The following SEMA5A variants were observed in gnomAD, a reference collection of about 807,000 sequenced individuals.
SEMA5A encodes the protein semaphorin-5A.
SEMA5A carries 55 observed loss-of-function variants against 135.5 expected under a neutral mutation model. That is an observed-to-expected ratio of 0.41 (90% confidence interval 0.33 to 0.51). The LOEUF (loss-of-function observed/expected upper bound fraction) is 0.51, where lower values mean the gene tolerates loss of function less well. SEMA5A is among the 20% of genes least tolerant of loss of function. SEMA5A has a pLI of 0.37. For synonymous variants in SEMA5A, 580 were observed against 546.5 expected (o/e 1.06, Z -0.85); for missense variants, 1,290 against 1,419.9 (o/e 0.91, Z 1.47).
chr5:9,264,243 G>A (rs1429805773), intron 5 of SEMA5A, among the ~76,000 whole-genome samples: 1 of 151,874 alleles, frequency 6.6e-6, no homozygotes, highest in African/African-American at 2.4e-5. Context: ...TATAAGCCAA[G>A]AAGAACCAAA....
intron 1 of SEMA5A, among the ~76,000 whole-genome samples, chr5:9,497,188 A>G (rs268493): frequency 0.97 from 147,811 of 152,304 alleles, 71,960 homozygotes; most frequent in Non-Finnish European, 1. Context: ...CTAAGGAGAT[A>G]ATCAGCTGAT....
chr5:9,150,528 A>T (rs534959330), intron 12 of SEMA5A, among the ~76,000 whole-genome samples: 1 of 152,296 alleles, frequency 6.6e-6, no homozygotes, highest in South Asian at 2.1e-4. Flanking sequence ...TTTGAGGTCA[A>T]ACTTGACGGA....
chr5:9,405,157 GT>G (rs1756825516), intron 2 of SEMA5A, among the ~76,000 whole-genome samples: 1 of 152,138 alleles, frequency 6.6e-6, no homozygotes, highest in Admixed American at 6.5e-5. Flanking sequence ...AACAAAATAG[GT>G]TGTTGAAAAC....
At chr5:9,417,460 T>C (rs907987190) in intron 2 of SEMA5A, among the ~76,000 whole-genome samples, 2 of 152,238 alleles carry the variant, frequency 1.3e-5, no homozygotes, top group Non-Finnish European at 2.9e-5. Context: ...CAACTATCCA[T>C]ATCTTTTGAT....
intron 15 of SEMA5A, among the ~76,000 whole-genome samples, chr5:9,115,701 G>A (rs1560930792): frequency 2.6e-5 from 4 of 152,182 alleles, no homozygotes; most frequent in Admixed American, 6.5e-5. Context: ...CATTCAGCAT[G>A]TGAGGGGTAG....
At position 9,454,196 on chromosome 5, in the gene SEMA5A, G is replaced by A. The variant is rs114943219; in HGVS notation, c.-174-16344C>T. On this transcript the variant is annotated intron_variant, in intron 1 of 22. Coordinates refer to ENST00000382496, the MANE Select transcript of SEMA5A (RefSeq NM_003966.3). ...ACGACAGGCTGGTGGCCAAGGTCAC[G>A]TGCTGAATGGAGGTAGGAGGCTCTG... 3.4e-3 allele frequency among the ~76,000 whole-genome samples: 524 copies of A among 152,318 alleles called. 4 individuals carry two copies. Among genetic ancestry groups the A allele is most frequent in the African/African-American group, 0.012 (490 of 41,570 alleles).
intron 16 of SEMA5A, among the ~76,000 whole-genome samples, chr5:9,095,423 A>G (rs1739262781): frequency 6.6e-6 from 1 of 152,232 alleles, no homozygotes; most frequent in Non-Finnish European, 1.5e-5. Flanking sequence ...AAAATATAGT[A>G]GCCGCTGTTG....
At chr5:9,054,782 C>T (rs912840051) in intron 18 of SEMA5A, among the ~76,000 whole-genome samples, 4 of 152,190 alleles carry the variant, frequency 2.6e-5, no homozygotes, top group Admixed American at 6.5e-5. Context: ...AAAGCTAACA[C>T]GTCCCATGAG....
At chr5:9,388,927 A>G (rs1457521280) in intron 2 of SEMA5A, among the ~76,000 whole-genome samples, 1 of 152,080 alleles carries the variant, frequency 6.6e-6, no homozygotes, top group African/African-American at 2.4e-5. Flanking sequence ...AGAAAGAAAA[A>G]AAAGAAGGGA....
At chr5:9,067,102 G>A (rs1281078016) in intron 16 of SEMA5A, among the ~76,000 whole-genome samples, 1 of 152,184 alleles carries the variant, frequency 6.6e-6, no homozygotes, top group African/African-American at 2.4e-5. Context: ...AGAGTGGTAG[G>A]GGAGCCACAA....
intron 5 of SEMA5A, among the ~76,000 whole-genome samples, chr5:9,275,618 T>C (rs1175148731): frequency 6.6e-6 from 1 of 151,986 alleles, no homozygotes; most frequent in African/African-American, 2.4e-5. Context: ...CAGCAGCACA[T>C]CAAAAAGCTT....
rs1175322660 is a variant in SEMA5A, at chr5:9,035,319, A to G, written c.*7578T>C. The stretch of plus-strand genomic sequence containing the variant: ...CTGTCAATGCACCAAGAGCAGTAAG[A>G]GAGCACAACATATTCACTTCTGTAA... On this transcript the variant is annotated 3_prime_UTR_variant, in exon 23 of 23. Coordinates refer to ENST00000382496, the MANE Select transcript of SEMA5A (RefSeq NM_003966.3). 2.6e-5 allele frequency: 4 copies of G among 152,190 alleles called. No homozygotes were observed. 9.4% of individuals were successfully genotyped at this position (152,190 alleles called of 1,614,324 possible). A position where few individuals can be genotyped will look rare whatever the true frequency, so the allele number is the denominator to read the frequency against.
At chr5:9,417,837 T>C (rs1410365148) in intron 2 of SEMA5A, among the ~76,000 whole-genome samples, 3 of 152,200 alleles carry the variant, frequency 2.0e-5, no homozygotes, top group Non-Finnish European at 1.5e-5. Context: ...TCCCTCTGTT[T>C]AGAAGGCTGG....
intron 16 of SEMA5A, among the ~76,000 whole-genome samples, chr5:9,072,951 A>G (rs1428554054): frequency 1.3e-5 from 2 of 152,220 alleles, no homozygotes; most frequent in African/African-American, 4.8e-5. Context: ...AACAGCATCA[A>G]AACAGTAATT....
chr5:9,176,270 A>T (rs1422123353), intron 11 of SEMA5A, among the ~76,000 whole-genome samples: 1 of 152,194 alleles, frequency 6.6e-6, no homozygotes, highest in Non-Finnish European at 1.5e-5. Flanking sequence ...GGAAAGCTGC[A>T]GGTGGTCTTA....
At chr5:9,311,581 C>T (rs898392113) in intron 5 of SEMA5A, among the ~76,000 whole-genome samples, 23 of 113,380 alleles carry the variant, frequency 2.0e-4, no homozygotes, top group Admixed American at 4.9e-4. Flanking sequence ...CATCACACTC[C>T]GGGGACTGTT....
At chr5:9,385,163 G>A (rs40726) in intron 2 of SEMA5A, among the ~76,000 whole-genome samples, 32,596 of 152,096 alleles carry the variant, frequency 0.21, 4,055 homozygotes, top group Middle Eastern at 0.29. Context: ...TCCAGATGTA[G>A]GAGGATATCT....
intron 1 of SEMA5A, among the ~76,000 whole-genome samples, chr5:9,507,188 G>A (rs908927349): frequency 3.9e-5 from 6 of 152,188 alleles, no homozygotes; most frequent in Admixed American, 6.5e-5. Context: ...CATGGAAGGC[G>A]TGATTGAGTT....
At chr5:9,203,337 C>T (rs1455391636) in intron 8 of SEMA5A, among the ~76,000 whole-genome samples, 2 of 152,210 alleles carry the variant, frequency 1.3e-5, no homozygotes, top group African/African-American at 4.8e-5. Flanking sequence ...GACACATTTT[C>T]AGGGACAATT....
Sources: allele counts gnomAD v4.1 joint callset (sites outside exome capture counted in the v4.1 genomes callset), GRCh38; gene constraint gnomAD v4.1.1; transcripts MANE v1.5; gene names NCBI Gene and HGNC (gene_info 2026-07-23, HGNC 2026-07-21).